MAP2: variants seen among roughly 807,000 people sequenced by gnomAD.
The protein encoded by MAP2 is microtubule-associated protein 2.
MAP2 carries 14 observed loss-of-function variants against 137.6 expected under a neutral mutation model. That is an observed-to-expected ratio of 0.10 (90% CI 0.07 to 0.16). The LOEUF is 0.16. MAP2 is among the 10% of genes least tolerant of loss of function. MAP2 has a pLI of 1.00. For missense variants in MAP2, 2,088 were observed against 2,191.5 expected (o/e 0.95, Z 0.94); for synonymous variants, 786 against 782.3 (o/e 1.00, Z -0.08).
intron 1 of MAP2, among the ~76,000 whole-genome samples, chr2:209,468,612 G>A (rs183692818): frequency 3.9e-5 from 6 of 152,134 alleles, no homozygotes; most frequent in East Asian, 3.9e-4. Flanking sequence ...GAGCCACCGC[G>A]CCCGGCCTCA....
At chr2:209,436,217 C>A (rs1243031277) in intron 1 of MAP2, among the ~76,000 whole-genome samples, 1 of 150,852 alleles carries the variant, frequency 6.6e-6, no homozygotes, top group African/African-American at 2.4e-5. Flanking sequence ...CAGAAGATTA[C>A]AAACACATTC....
At chr2:209,630,453 C>A (rs1452173015) in intron 4 of MAP2, among the ~76,000 whole-genome samples, 1 of 152,124 alleles carries the variant, frequency 6.6e-6, no homozygotes, top group Non-Finnish European at 1.5e-5. Flanking sequence ...TTTTTAATGA[C>A]CTGAGCTGCT....
At chr2:209,690,898 A>G (rs1439746452) in intron 7 of MAP2, 2 of 1,219,582 alleles carry the variant, frequency 1.6e-6, no homozygotes, top group African/African-American at 1.6e-5. Flanking sequence ...TGATCTCTCC[A>G]GTGGCTTACC....
chr2:209,491,720 A>G (rs1439769341), intron 1 of MAP2, among the ~76,000 whole-genome samples: 1 of 152,184 alleles, frequency 6.6e-6, no homozygotes, highest in East Asian at 1.9e-4. Context: ...TTCTGGAAAC[A>G]TACACCCTCC....
At chr2:209,636,340 C>T (rs1374614959) in intron 4 of MAP2, among the ~76,000 whole-genome samples, 92 of 152,096 alleles carry the variant, frequency 6.0e-4, no homozygotes. Context: ...AGACCTTTCT[C>T]TAACACAGAC....
At chr2:209,604,002 C>T (rs1011275191) in intron 3 of MAP2, among the ~76,000 whole-genome samples, 2 of 152,050 alleles carry the variant, frequency 1.3e-5, no homozygotes, top group Non-Finnish European at 2.9e-5. Context: ...CCTTGCTGAC[C>T]CGCAGCAGGT....
At position 209,695,300 on chromosome 2, in the gene MAP2, G is replaced by T; in HGVS notation, c.3130G>T (p.Gly1044Cys). The T allele has an allele frequency of 6.2e-7, 1 of 1,613,952 alleles. No homozygotes were observed. The highest frequency in any genetic ancestry group is 8.5e-7 in the Non-Finnish European group (1 of 1,179,990). The change falls in exon 8 of 16, where the codon GGT becomes TGT. Residue 1044 changes from glycine to cysteine, a missense_variant. Transcript: ENST00000682079. The stretch of plus-strand genomic sequence containing the variant: ...ACAAGGTCTGGATTTTGCTGTCCAG[G>T]GTCAACTAGATGTTAAAATTAGTGA... ...VEQGLDFAVQ[G>C]QLDVKISDFG...
Position 209,696,107 on chromosome 2 carries a change from G to A in MAP2, c.3937G>A (p.Ala1313Thr). The A allele has an allele frequency of 6.2e-7, 1 of 1,613,830 alleles. No individual in the cohort carries two copies. Among genetic ancestry groups the A allele is most frequent in the South Asian group, 1.1e-5 (1 of 91,038 alleles). Residue 1313 changes from alanine to threonine, a missense_variant, in exon 8 of 16, where the codon GCC becomes ACC. This residue lies in a region of MAP2 where 591 missense variants were observed against 642.6 expected (regional missense o/e 0.92). Transcript: ENST00000682079. ...ESGSHSVRFAALEQPEVERRP... is the reference protein window; with the variant it reads ...ESGSHSVRFATLEQPEVERRP... ...AGGGTCCCACAGCGTGCGTTTTGCA[G>A]CCCTAGAGCAGCCTGAGGTGGAAAG...
chr2:209,570,172 A>C (rs1034024666), intron 2 of MAP2, among the ~76,000 whole-genome samples: 1 of 151,880 alleles, frequency 6.6e-6, no homozygotes, highest in Non-Finnish European at 1.5e-5. Flanking sequence ...TAGTCTGTCT[A>C]AACTCCCTCT....
At position 209,460,281 on chromosome 2, in the gene MAP2, T is replaced by C. The variant is rs113914006; in HGVS notation, c.-222+36005T>C. Among the ~76,000 whole-genome samples, 933 of 152,342 alleles carry C rather than the reference T, an allele frequency of 6.1e-3. 7 individuals carry two copies. The highest frequency in any genetic ancestry group is 0.021 in the African/African-American group (878 of 41,574). ...GTAATGTATGAAGATTACTAATATC[T>C]GACTAACCGTGTTTACAATGACGGT... On this transcript the variant is annotated intron_variant, in intron 1 of 15. Coordinates refer to ENST00000682079, the MANE Select transcript of MAP2 (RefSeq NM_001375505.1).
chr2:209,693,713 A>C lies in MAP2; in HGVS notation c.1543A>C (p.Lys515Gln), dbSNP rs2059521521. ...QAVTDSAMTS[K>Q]TLEKAMTEPS... ...AGTTACAGATTCAGCCATGACCTCT[A>C]AAACACTGGAGAAAGCCATGACCGA... The change falls in exon 8 of 16, where the codon AAA (lysine) becomes CAA (glutamine). Residue 515 changes from lysine to glutamine, a missense_variant. This residue lies in a region of MAP2 where 859 missense variants were observed against 794.5 expected (regional missense o/e 1.08). Transcript: ENST00000682079. 1.9e-6 allele frequency: 3 copies of C among 1,613,360 alleles called. No individual in the cohort carries two copies. The highest frequency in any genetic ancestry group is 2.2e-5 in the East Asian group (1 of 44,864).
At chr2:209,598,712 C>T (rs1017713735) in intron 3 of MAP2, among the ~76,000 whole-genome samples, 8 of 150,214 alleles carry the variant, frequency 5.3e-5, no homozygotes, top group African/African-American at 2.0e-4. Context: ...GTTTTTTGTT[C>T]TTGCAATAGT....
At chr2:209,499,963 G>C (rs1390512704) in intron 1 of MAP2, among the ~76,000 whole-genome samples, 1 of 152,096 alleles carries the variant, frequency 6.6e-6, no homozygotes. Flanking sequence ...GATTTGGGTG[G>C]AGACAAACAT....
chr2:209,591,520 G>A (rs1295146409), intron 3 of MAP2, among the ~76,000 whole-genome samples: 1 of 152,054 alleles, frequency 6.6e-6, no homozygotes, highest in African/African-American at 2.4e-5. Flanking sequence ...TCATAGAATA[G>A]GTATATATTT....
chr2:209,498,960 A>G (rs1242893019), intron 1 of MAP2, among the ~76,000 whole-genome samples: 2 of 152,014 alleles, frequency 1.3e-5, no homozygotes, highest in Non-Finnish European at 2.9e-5. Flanking sequence ...CATTATGCAA[A>G]TTTCTCTAGC....
At chr2:209,668,307 A>G (rs1003401469) in intron 5 of MAP2, among the ~76,000 whole-genome samples, 1 of 152,072 alleles carries the variant, frequency 6.6e-6, no homozygotes, top group African/African-American at 2.4e-5. Flanking sequence ...AGAAATTGAC[A>G]TGAATAAACA....
chr2:209,656,868 C>T (rs762593899), intron 5 of MAP2, among the ~76,000 whole-genome samples: 30 of 152,078 alleles, frequency 2.0e-4, no homozygotes, highest in Non-Finnish European at 3.8e-4. Context: ...TGAGTGTACC[C>T]GTCACCTGAA....
intron 2 of MAP2, among the ~76,000 whole-genome samples, chr2:209,573,355 A>G (rs1224804030): frequency 7.6e-6 from 1 of 132,416 alleles, no homozygotes; most frequent in African/African-American, 3.0e-5. Flanking sequence ...GTGCAGTGGC[A>G]CGATCTCGGC....
At chr2:209,442,378 G>T (rs1355203994) in intron 1 of MAP2, among the ~76,000 whole-genome samples, 1 of 151,584 alleles carries the variant, frequency 6.6e-6, no homozygotes, top group African/African-American at 2.4e-5. Flanking sequence ...ATTGATCAAT[G>T]ATTTTGCCTT....
Sources: allele counts gnomAD v4.1 joint callset (sites outside exome capture counted in the v4.1 genomes callset), GRCh38; gene constraint gnomAD v4.1.1; regional missense constraint gnomAD v4.1.1; transcripts MANE v1.5; gene names NCBI Gene and HGNC (gene_info 2026-07-23, HGNC 2026-07-21).